GRK5: variants seen among roughly 807,000 people sequenced by gnomAD.
GRK5 encodes the protein G protein-coupled receptor kinase 5.
GRK5 carries 40 observed loss-of-function variants against 78.4 expected under a neutral mutation model. The ratio of observed to expected loss-of-function variants is 0.51; its 90% CI spans 0.40 to 0.66. The LOEUF is 0.66. GRK5 is among the 30% of genes least tolerant of loss of function. The pLI is 0.00. For synonymous variants in GRK5, 289 were observed against 296.8 expected, an observed-to-expected ratio of 0.97 and a Z score of 0.27; for missense variants, 598 against 759.9, an observed-to-expected ratio of 0.79 and a Z score of 2.50.
At chr10:119,334,707 T>G (rs532446572) in intron 2 of GRK5, 1 of 152,252 alleles carries the variant, frequency 6.6e-6, no homozygotes, top group African/African-American at 2.4e-5. Flanking sequence ...TTAAAAAAAG[T>G]CTGAGGGGGC....
At chr10:119,269,474 G>A (rs971560460) in intron 1 of GRK5, among the ~76,000 whole-genome samples, 1 of 152,070 alleles carries the variant, frequency 6.6e-6, no homozygotes. Context: ...TCCGTGGGTA[G>A]GCCCTGTTCA....
At chr10:119,255,725 C>T (rs1320315392) in intron 1 of GRK5, among the ~76,000 whole-genome samples, 1 of 152,202 alleles carries the variant, frequency 6.6e-6, no homozygotes, top group African/African-American at 2.4e-5. Context: ...CTCCCAGACA[C>T]GGGCTCCTTG....
chr10:119,279,007 A>C (rs192164824), intron 1 of GRK5, among the ~76,000 whole-genome samples: 113 of 152,312 alleles, frequency 7.4e-4, no homozygotes, highest in African/African-American at 2.5e-3. Flanking sequence ...TCTCCCGAGT[A>C]GCTGGGATTA....
At position 119,449,232 on chromosome 10, in the gene GRK5, A is replaced by C. The variant is rs186421386; in HGVS notation, c.1404+972A>C. Among the ~76,000 whole-genome samples, 479 of 152,326 alleles carry C rather than the reference A, an allele frequency of 3.1e-3. 1 individual carries two copies. Among genetic ancestry groups the C allele is most frequent in the African/African-American group, 0.011 (461 of 41,568 alleles). On this transcript the variant is annotated intron_variant, in intron 13 of 15. Coordinates refer to ENST00000392870, the MANE Select transcript of GRK5 (RefSeq NM_005308.3). Reference sequence around the variant, plus strand: ...ACAGCAGCAATTTGCAAATGCTACAAATCAGGGCCTCTGCGTCCCCCTCTC... The same window carrying C: ...ACAGCAGCAATTTGCAAATGCTACACATCAGGGCCTCTGCGTCCCCCTCTC...
intron 4 of GRK5, among the ~76,000 whole-genome samples, chr10:119,407,513 C>T (rs953782044): frequency 1.3e-5 from 2 of 152,182 alleles, no homozygotes; most frequent in Non-Finnish European, 2.9e-5. Flanking sequence ...TGGCTGTTGC[C>T]GGAAGTTCTA....
At chr10:119,358,568 C>G (rs892055711) in intron 2 of GRK5, among the ~76,000 whole-genome samples, 5 of 152,184 alleles carry the variant, frequency 3.3e-5, no homozygotes, top group African/African-American at 1.2e-4. Flanking sequence ...CCCTCATCTG[C>G]TCCTCTTCCA....
chr10:119,389,733 C>T (rs1260754069), intron 3 of GRK5, among the ~76,000 whole-genome samples: 5 of 151,994 alleles, frequency 3.3e-5, no homozygotes, highest in Admixed American at 3.3e-4. Flanking sequence ...ACATAAAAAC[C>T]CTGGGAACTG....
At chr10:119,284,911 G>A (rs1029799760) in intron 1 of GRK5, among the ~76,000 whole-genome samples, 4 of 152,228 alleles carry the variant, frequency 2.6e-5, no homozygotes, top group African/African-American at 9.6e-5. Flanking sequence ...ACAGGCATCC[G>A]AGCTCCCCAT....
At chr10:119,326,408 C>A (rs1355438799) in intron 1 of GRK5, 108 bp from the exon 2 acceptor site, 34 of 819,142 alleles carry the variant, frequency 4.2e-5, no homozygotes, top group Middle Eastern at 3.0e-4. Flanking sequence ...GCTTGGCCTA[C>A]AGCCCGTCCC....
intron 1 of GRK5, among the ~76,000 whole-genome samples, chr10:119,275,938 T>A (rs551314690): frequency 6.6e-6 from 1 of 152,266 alleles, no homozygotes; most frequent in East Asian, 1.9e-4. Context: ...TGACCCGATT[T>A]TCCATAGCTG....
intron 1 of GRK5, among the ~76,000 whole-genome samples, chr10:119,263,154 C>T (rs1396943925): frequency 2.6e-5 from 4 of 151,948 alleles, no homozygotes; most frequent in South Asian, 2.1e-4. Context: ...ATTACAGGCG[C>T]GCACACCACA....
intron 2 of GRK5, among the ~76,000 whole-genome samples, chr10:119,356,938 G>T (rs1851270714): frequency 1.3e-5 from 2 of 152,228 alleles, no homozygotes; most frequent in African/African-American, 4.8e-5. Context: ...ACTGACCAGT[G>T]CTGAGCTATC....
chr10:119,283,507 C>A (rs1289872091), intron 1 of GRK5, among the ~76,000 whole-genome samples: 1 of 152,208 alleles, frequency 6.6e-6, no homozygotes, highest in African/African-American at 2.4e-5. Flanking sequence ...TTCCTGAGGC[C>A]TTGAGTTCCA....
At chr10:119,209,485 TG>T (rs1848446153) in intron 1 of GRK5, among the ~76,000 whole-genome samples, 6 of 102,582 alleles carry the variant, frequency 5.8e-5, no homozygotes, top group African/African-American at 2.3e-4. Context: ...TGTGTGTGTG[TG>T]GTTTTTTTTT....
chr10:119,341,737 A>C (rs1309258867), intron 2 of GRK5, among the ~76,000 whole-genome samples: 3 of 152,146 alleles, frequency 2.0e-5, no homozygotes, highest in Non-Finnish European at 4.4e-5. Context: ...CACTTGTAGA[A>C]TCTTGTTTAG....
intron 1 of GRK5, among the ~76,000 whole-genome samples, chr10:119,279,370 G>T (rs1367023557): frequency 6.6e-6 from 1 of 152,158 alleles, no homozygotes; most frequent in Non-Finnish European, 1.5e-5. Context: ...CTTATCACAG[G>T]TGCTGAGCCC....
chr10:119,303,150 T>C (rs1850211697), intron 1 of GRK5, among the ~76,000 whole-genome samples: 1 of 152,160 alleles, frequency 6.6e-6, no homozygotes, highest in African/African-American at 2.4e-5. Context: ...CCAGGGCATA[T>C]GCAGAGTCTG....
Position 119,430,533 on chromosome 10 carries a change from C to G in GRK5, c.597+95C>G. 2 of 1,100,742 alleles carry G rather than the reference C, an allele frequency of 1.8e-6. No individual in the cohort carries two copies. The highest frequency in any genetic ancestry group is 2.7e-6 in the Non-Finnish European group (2 of 750,920). 68.2% of individuals were successfully genotyped at this position (1,100,742 alleles called of 1,614,324 possible). A position where few individuals can be genotyped will look rare whatever the true frequency, so the allele number is the denominator to read the frequency against. ...CAACCTAAAGGGTTGGCCCACGGGTCCCCCGGGGGCACCAGTGGCTCAATG... is the reference window on the plus strand; with the variant it reads ...CAACCTAAAGGGTTGGCCCACGGGTGCCCCGGGGGCACCAGTGGCTCAATG... On this transcript the variant is annotated intron_variant, in intron 7 of 15. Transcript: ENST00000392870. The surrounding 1 kb of genome is among the most constrained non-coding windows in gnomAD (Gnocchi z 4.5).
At chr10:119,313,913 G>A (rs565336682) in intron 1 of GRK5, among the ~76,000 whole-genome samples, 1 of 152,302 alleles carries the variant, frequency 6.6e-6, no homozygotes, top group South Asian at 2.1e-4. Flanking sequence ...ACTGTGTTGT[G>A]GCCGTGAGGA....
Sources: allele counts gnomAD v4.1 joint callset (sites outside exome capture counted in the v4.1 genomes callset), GRCh38; gene constraint gnomAD v4.1.1; non-coding constraint Gnocchi (gnomAD v3.1); transcripts MANE v1.5; gene names NCBI Gene and HGNC (gene_info 2026-07-23, HGNC 2026-07-21).